AFAP1L2: variants seen among roughly 807,000 people sequenced by gnomAD.
AFAP1L2 encodes actin filament-associated protein 1-like 2.
AFAP1L2 carries 46 observed loss-of-function variants against 99.3 expected under a neutral mutation model. That is an observed-to-expected ratio of 0.46 (90% CI 0.37 to 0.59). The LOEUF (loss-of-function observed/expected upper bound fraction) is 0.59. Among genes scored for constraint, AFAP1L2 ranks in the 20% least tolerant of loss-of-function variants. AFAP1L2 has a pLI of 0.00. For synonymous variants in AFAP1L2, 397 were observed against 419.1 expected (o/e 0.95, Z 0.64); for missense variants, 959 against 1,034.9 (o/e 0.93, Z 1.01).
At chr10:114,379,905 T>C (rs1590733565) in intron 1 of AFAP1L2, among the ~76,000 whole-genome samples, 1 of 152,344 alleles carries the variant, frequency 6.6e-6, no homozygotes, top group Admixed American at 6.5e-5. Flanking sequence ...TGGGAAGAGA[T>C]GATGATTTCA....
chr10:114,341,138 T>TCAA (rs1237292331), intron 1 of AFAP1L2, among the ~76,000 whole-genome samples: 1 of 152,252 alleles, frequency 6.6e-6, no homozygotes, highest in Non-Finnish European at 1.5e-5. Context: ...GTGGCTAGAA[T>TCAA]GAGGGTTACT....
intron 1 of AFAP1L2, among the ~76,000 whole-genome samples, chr10:114,382,278 T>TA (rs57200132): frequency 0.96 from 146,174 of 152,194 alleles, 70,491 homozygotes; most frequent in East Asian, 1. Context: ...GCCCAGTGAT[T>TA]TACATATAAA....
At chr10:114,303,812 C>T (rs1011860686) in intron 11 of AFAP1L2, among the ~76,000 whole-genome samples, 6 of 152,170 alleles carry the variant, frequency 3.9e-5, no homozygotes, top group African/African-American at 7.2e-5. Flanking sequence ...ATCAGGGCTC[C>T]GTTGCTCCTA....
At chr10:114,287,171 T>C in the AFAP1L2 span, among the ~76,000 whole-genome samples, 1 of 152,194 alleles carries the variant, frequency 6.6e-6, no homozygotes, top group African/African-American at 2.4e-5. Context: ...AGAGATGTAG[T>C]AGCTGAAACA....
chr10:114,304,861 T>A lies in AFAP1L2; in HGVS notation c.1142A>T (p.His381Leu). 6.2e-7 allele frequency: 1 copy of A among 1,613,402 alleles called. No individual in the cohort carries two copies. The highest frequency in any genetic ancestry group is 8.5e-7 in the Non-Finnish European group (1 of 1,180,016). ...GCTCCGGTTCCGGTCCTGGTAGAAG[T>A]GCAGGTGATTGTCCCTGACAGAGCA... Reference protein sequence around the residue: ...RWCSVRDNHLHFYQDRNRSKV... With the variant: ...RWCSVRDNHLLFYQDRNRSKV... The change falls in exon 11 of 19, where the codon CAC becomes CTC. Residue 381 changes from histidine (H) to leucine (L), a missense_variant. By Grantham distance (99) the His-to-Leu change is moderately conservative. Transcript: ENST00000304129.
At position 114,315,625 on chromosome 10, in the gene AFAP1L2, A is replaced by C; in HGVS notation, c.547T>G (p.Trp183Gly). ...MRDARICAFL[W>G]RKKWLGQWAK... ...CACTGTCCCAGCCACTTCTTGCGCCACAGGAAGGCGCAGATGCGGGCGTCA... is the reference window on the plus strand; with the variant it reads ...CACTGTCCCAGCCACTTCTTGCGCCCCAGGAAGGCGCAGATGCGGGCGTCA... Residue 183 changes from tryptophan (W) to glycine (G), a missense_variant, in exon 6 of 19, where the codon TGG becomes GGG. Transcript: ENST00000304129. The C allele has an allele frequency of 6.2e-7, 1 of 1,614,068 alleles. No individual in the cohort carries two copies. The highest frequency in any genetic ancestry group is 8.5e-7 in the Non-Finnish European group (1 of 1,180,008).
intron 1 of AFAP1L2, among the ~76,000 whole-genome samples, chr10:114,346,576 T>G (rs1396151403): frequency 5.3e-5 from 8 of 152,158 alleles, no homozygotes. Context: ...CTTAGAGGAA[T>G]GTGGCTATTG....
intron 1 of AFAP1L2, among the ~76,000 whole-genome samples, chr10:114,346,820 G>T (rs947367098): frequency 6.6e-6 from 1 of 152,192 alleles, no homozygotes; most frequent in Admixed American, 6.5e-5. Flanking sequence ...CCCACGCAGG[G>T]CTGGGCGGTT....
chr10:114,343,641 A>G (rs1480966277), intron 1 of AFAP1L2, among the ~76,000 whole-genome samples: 1 of 152,230 alleles, frequency 6.6e-6, no homozygotes, highest in Non-Finnish European at 1.5e-5. Context: ...CACAAAGAGC[A>G]TGGGTCACAG....
At chr10:114,310,249 T>G in intron 8 of AFAP1L2, 105 bp downstream of exon 8, 1 of 1,184,404 alleles carries the variant, frequency 8.4e-7, no homozygotes, top group Non-Finnish European at 1.2e-6. Flanking sequence ...ATGTTTCTTA[T>G]TAATTGGACT....
At chr10:114,289,526 A>G in the AFAP1L2 span, 8 of 1,607,874 alleles carry the variant, frequency 5.0e-6, no homozygotes, top group Non-Finnish European at 6.8e-6. Context: ...GGCTGCCCCC[A>G]TGGCAGGCCC....
At chr10:114,325,743 A>T (rs1361525234) in intron 4 of AFAP1L2, 2 of 822,356 alleles carry the variant, frequency 2.4e-6, no homozygotes, top group Non-Finnish European at 3.3e-6. Flanking sequence ...CCAGCCTGGT[A>T]CAAGATCTTT....
chr10:114,290,205 G>A (rs780427475), downstream of AFAP1L2: 4 of 1,548,890 alleles, frequency 2.6e-6, no homozygotes, highest in South Asian at 4.8e-5. Flanking sequence ...ACCCATGCCT[G>A]GCCGGCCTGG....
At position 114,363,039 on chromosome 10, in the gene AFAP1L2, G is replaced by A. The variant is rs1005291324; in HGVS notation, c.17-22308C>T. 4.1e-6 allele frequency: 4 copies of A among 985,306 alleles called. No homozygotes were observed. In the African/African-American group the frequency reaches 7.0e-5, roughly 17 times the overall value. 61.0% of individuals were successfully genotyped at this position (985,306 alleles called of 1,614,324 possible). A position where few individuals can be genotyped will look rare whatever the true frequency, so the allele number is the denominator to read the frequency against. Reference sequence around the variant, plus strand: ...TGCATGGAGCCCACCAGAGAGGACTGTGCCCAGGCTGCTCTCCGCTGGGGT... The same window carrying A: ...TGCATGGAGCCCACCAGAGAGGACTATGCCCAGGCTGCTCTCCGCTGGGGT... On this transcript the variant is annotated intron_variant, in intron 1 of 18. Coordinates refer to ENST00000304129, the MANE Select transcript of AFAP1L2 (RefSeq NM_001001936.3).
intron 5 of AFAP1L2, chr10:114,319,588 C>T: frequency 7.8e-7 from 1 of 1,289,698 alleles, no homozygotes; most frequent in Non-Finnish European, 1.0e-6. Flanking sequence ...ATAAATGACT[C>T]CTTCGGGCAC....
chr10:114,382,571 T>TTA lies in AFAP1L2; in HGVS notation c.16+21867_16+21868dup, dbSNP rs2055799427. On this transcript the variant is annotated intron_variant, in intron 1 of 18. Transcript: ENST00000304129. ...GCACTCTATCAATTTAGCAATGATA[T>TTA]TATGTATATTTCTTCTCTTTTTTTT... 2.7e-5 allele frequency among the ~76,000 whole-genome samples: 4 copies of TTA among 148,926 alleles called. No homozygotes were observed. In the South Asian group the frequency reaches 8.5e-4, roughly 32 times the overall value.
chr10:114,363,663 C>A (rs1354667894), intron 1 of AFAP1L2, among the ~76,000 whole-genome samples: 1 of 152,176 alleles, frequency 6.6e-6, no homozygotes, highest in Non-Finnish European at 1.5e-5. Flanking sequence ...AAGCCTAGAT[C>A]TTTGGCCTGG....
At chr10:114,382,786 G>A (rs1031727124) in intron 1 of AFAP1L2, among the ~76,000 whole-genome samples, 1 of 151,674 alleles carries the variant, frequency 6.6e-6, no homozygotes, top group Admixed American at 6.6e-5. Context: ...GTAGAGATGG[G>A]GTTTCTCCAT....
intron 1 of AFAP1L2, among the ~76,000 whole-genome samples, chr10:114,374,846 A>AGGGGGG (rs2054593466): frequency 3.4e-5 from 1 of 29,742 alleles, no homozygotes; most frequent in East Asian, 1.4e-3. Flanking sequence ...AGAGGGAGGG[A>AGGGGGG]GGGGGTGGGG....
Sources: gnomAD v4.1 joint callset for allele counts (sites outside exome capture counted in the v4.1 genomes callset) on GRCh38, gnomAD v4.1.1 for gene constraint, MANE v1.5 for transcripts, NCBI Gene and HGNC (gene_info 2026-07-23, HGNC 2026-07-21) for gene names.